CHAF1B: variants seen among roughly 807,000 people sequenced by gnomAD.
CHAF1B encodes the protein CAF-1 subunit B.
In CHAF1B, 10 loss-of-function variants were observed where a neutral mutation model predicts 60.7. The ratio of observed to expected loss-of-function variants is 0.16; its 90% confidence interval spans 0.10 to 0.28. CHAF1B has a LOEUF of 0.28. Among genes scored for constraint, CHAF1B ranks in the 10% least tolerant of loss-of-function variants. The probability of loss-of-function intolerance (pLI) is 1.00; values close to 1 mark genes in which losing one functional copy is unlikely to be tolerated. For missense variants in CHAF1B, 558 were observed against 708.4 expected (o/e 0.79, Z 2.41); for synonymous variants, 261 against 266.1 (o/e 0.98, Z 0.19).
In CHAF1B at chr21:36,410,021, T is replaced by G. The variant is rs540555646; in HGVS notation, c.919+556T>G. On this transcript the variant is annotated intron_variant, in intron 10 of 13. Transcript: ENST00000314103. ...CTCTGTCGCCCAGGCTGGAGTGCAG[T>G]GGTGCAATCTTGGCTCACTGCAAAC... 1.2e-4 allele frequency among the ~76,000 whole-genome samples: 18 copies of G among 151,866 alleles called. No homozygotes were observed. The East Asian group carries it at 2.9e-3, about 24-fold the overall frequency.
chr21:36,386,218 A>G lies in CHAF1B; in HGVS notation c.82A>G (p.Arg28Gly), dbSNP rs142093091. Residue 28 changes from arginine (R) to glycine (G), a missense_variant, in exon 2 of 14, where the codon AGG becomes GGG. Physicochemically the swap from Arg to Gly is moderately radical, Grantham distance 125. Coordinates refer to ENST00000314103, the MANE Select transcript of CHAF1B (RefSeq NM_005441.3). ...SLDFQHGTAG[R>G]IHRLASAGVD... ...GGACTTCCAGCATGGGACGGCTGGG[A>G]GGATCCACAGACTGGCGTCTGCCGG... is the stretch of plus-strand genomic sequence containing the variant. The G allele has an allele frequency of 1.8e-4, 295 of 1,614,082 alleles. No individual in the cohort carries two copies. Among genetic ancestry groups the G allele is most frequent in the Non-Finnish European group, 1.2e-4 (139 of 1,180,038 alleles).
intron 10 of CHAF1B, 22 bp downstream of exon 10, chr21:36,409,487 T>C (rs913355853): frequency 6.3e-7 from 1 of 1,580,116 alleles, no homozygotes; most frequent in Admixed American, 1.7e-5. Flanking sequence ...GCCTCAGGGG[T>C]GTGTTATGTT....
At chr21:36,391,463 CAAA>C (rs376106303) in intron 3 of CHAF1B, 85 bp from the exon 4 acceptor site, 2,418 of 509,380 alleles carry the variant, frequency 4.7e-3, no homozygotes, top group South Asian at 7.0e-3. Context: ...GACTCCGTCT[CAAA>C]AAAAAAAAAA....
chr21:36,408,880 G>A (rs1159065245), intron 9 of CHAF1B, 50 bp downstream of exon 9: 1 of 1,363,536 alleles, frequency 7.3e-7, no homozygotes, highest in East Asian at 2.3e-5. Flanking sequence ...TTTAGACGGA[G>A]TTTCGCTCTT....
intron 12 of CHAF1B, among the ~76,000 whole-genome samples, chr21:36,413,531 C>T (rs938538096): frequency 3.9e-5 from 6 of 152,192 alleles, no homozygotes; most frequent in East Asian, 1.9e-4. Flanking sequence ...AGCCCAGGCT[C>T]CTATGCACAC....
At chr21:36,416,218 C>G in intron 13 of CHAF1B, 57 bp from the exon 14 acceptor site, 8 of 1,451,448 alleles carry the variant, frequency 5.5e-6, no homozygotes, top group Non-Finnish European at 6.7e-6. Flanking sequence ...AAATGTCAGC[C>G]CTTGACTTCC....
At chr21:36,407,114 C>T (rs746654188) in intron 8 of CHAF1B, among the ~76,000 whole-genome samples, 11 of 151,972 alleles carry the variant, frequency 7.2e-5, no homozygotes, top group Non-Finnish European at 1.5e-4. Flanking sequence ...CCAGCCTGGC[C>T]AACATGGCAA....
At chr21:36,402,963 C>G (rs999317202) in intron 8 of CHAF1B, 112 bp downstream of exon 8, 1 of 834,166 alleles carries the variant, frequency 1.2e-6, no homozygotes, top group Non-Finnish European at 2.0e-6. Context: ...TGGGGGTCCC[C>G]GACTTACCTG....
chr21:36,389,604 CAAAAAAA>C (rs745521824), intron 3 of CHAF1B, among the ~76,000 whole-genome samples: 1 of 73,534 alleles, frequency 1.4e-5, no homozygotes. Flanking sequence ...GAGTCTGTCT[CAAAAAAA>C]AAAAAAAAAA....
intron 6 of CHAF1B, chr21:36,397,719 CTTTTTT>C (rs397866716): frequency 2.2e-5 from 3 of 133,614 alleles, no homozygotes; most frequent in Non-Finnish European, 4.6e-5. Context: ...CTTAGTAAAT[CTTTTTT>C]TTTTTTTTTT....
chr21:36,396,836 C>A (rs1163676013), intron 5 of CHAF1B, among the ~76,000 whole-genome samples: 1 of 152,076 alleles, frequency 6.6e-6, no homozygotes, highest in African/African-American at 2.4e-5. Context: ...TAACTAGTGA[C>A]CCTCTTTGTC....
chr21:36,393,803 T>C (rs146115510), intron 4 of CHAF1B, among the ~76,000 whole-genome samples: 15 of 152,268 alleles, frequency 9.9e-5, no homozygotes, highest in African/African-American at 3.4e-4. Context: ...GCTAATATAG[T>C]GCCAGTGGAA....
rs899209085 is a variant in CHAF1B, at chr21:36,394,048, G to A, written c.378-499G>A. 6.9e-4 allele frequency among the ~76,000 whole-genome samples: 104 copies of A among 150,492 alleles called. 1 individual carries two copies. The highest frequency in any genetic ancestry group is 2.4e-3 in the African/African-American group (97 of 40,890). ...CAAGTAGCAGGGACTACAGGTGTGC[G>A]CCACCACACCTGGCTATTTTTTTTT... On this transcript the variant is annotated intron_variant, in intron 4 of 13. Coordinates refer to ENST00000314103, the MANE Select transcript of CHAF1B (RefSeq NM_005441.3).
Position 36,395,320 on chromosome 21 carries a change from T to C in CHAF1B, c.481+670T>C, listed in dbSNP as rs536676547. Among the ~76,000 whole-genome samples the C allele has an allele frequency of 3.9e-5, 6 of 152,296 alleles. No individual in the cohort carries two copies. The East Asian group carries it at 1.2e-3, about 29-fold the overall frequency. On this transcript the variant is annotated intron_variant, in intron 5 of 13. Transcript: ENST00000314103. ...GCCTCGGCCTCCCAAAGTGCTGGGATTACAGGCATGAGCCACCACACCCGG... is the reference window on the plus strand; with the variant it reads ...GCCTCGGCCTCCCAAAGTGCTGGGACTACAGGCATGAGCCACCACACCCGG...
At chr21:36,390,061 C>T (rs1004395492) in intron 3 of CHAF1B, among the ~76,000 whole-genome samples, 7 of 151,904 alleles carry the variant, frequency 4.6e-5, no homozygotes, top group Non-Finnish European at 7.4e-5. Context: ...AGGCTGGGTG[C>T]GGTGGCTCAC....
chr21:36,411,882 C>G (rs907435902), intron 11 of CHAF1B, among the ~76,000 whole-genome samples: 1 of 152,154 alleles, frequency 6.6e-6, no homozygotes, highest in Non-Finnish European at 1.5e-5. Flanking sequence ...GTGCGCACCA[C>G]TACGCCTGGC....
chr21:36,401,716 G>T (rs1362354472), intron 7 of CHAF1B, among the ~76,000 whole-genome samples: 1 of 143,772 alleles, frequency 7.0e-6, no homozygotes, highest in Non-Finnish European at 1.5e-5. Context: ...TAGTAATGCC[G>T]GCTTCCTTGT....
intron 2 of CHAF1B, 80 bp from the exon 3 acceptor site, chr21:36,387,518 G>A (rs1226672927): frequency 1.3e-6 from 2 of 1,547,350 alleles, no homozygotes; most frequent in African/African-American, 2.7e-5. Context: ...ACCACACCCA[G>A]CCCATAGTAT....
chr21:36,386,515 GATC>G (rs2086036023), intron 2 of CHAF1B, among the ~76,000 whole-genome samples: 1 of 152,076 alleles, frequency 6.6e-6, no homozygotes, highest in South Asian at 2.1e-4. Context: ...GAAGTGAGAG[GATC>G]GCTTGAGCCT....
Sources: allele counts gnomAD v4.1 joint callset (sites outside exome capture counted in the v4.1 genomes callset), GRCh38; gene constraint gnomAD v4.1.1; transcripts MANE v1.5; gene names NCBI Gene and HGNC (gene_info 2026-07-23, HGNC 2026-07-21).